The following G3BP1 variants were observed in gnomAD, a reference collection of about 807,000 sequenced individuals.
G3BP1 encodes the protein ras GTPase-activating protein-binding protein 1.
G3BP1 carries 35 observed loss-of-function variants against 58.6 expected under a neutral mutation model. The observed-to-expected ratio is 0.60, with a 90% CI of 0.46 to 0.79. The LOEUF is 0.79. Ranked by LOEUF, G3BP1 falls within the 30% of genes least tolerant of loss-of-function variation. The probability of loss-of-function intolerance (pLI) is 0.00; values close to 1 mark genes in which losing one functional copy is unlikely to be tolerated. For synonymous variants in G3BP1, 191 were observed against 195.4 expected, an observed-to-expected ratio of 0.98 and a Z score of 0.19; for missense variants, 523 against 580.8, an observed-to-expected ratio of 0.90 and a Z score of 1.02.
In G3BP1 at chr5:151,778,473, C is replaced by T. The variant is rs548563319; in HGVS notation, c.-50+6437C>T. 3.3e-5 allele frequency among the ~76,000 whole-genome samples: 5 copies of T among 152,194 alleles called. No individual in the cohort carries two copies. In the South Asian group the frequency reaches 1.0e-3, roughly 32 times the overall value. On this transcript the variant is annotated intron_variant, in intron 1 of 11. Coordinates refer to ENST00000356245, the MANE Select transcript of G3BP1 (RefSeq NM_005754.3). ...TTTTTTGTTTTGAGACAGTGTTTCGCTCTTGTTGCCCGGGCTGGAGTGCAG... is the reference window on the plus strand; with the variant it reads ...TTTTTTGTTTTGAGACAGTGTTTCGTTCTTGTTGCCCGGGCTGGAGTGCAG...
In G3BP1 at chr5:151,805,081, T is replaced by A. The variant is rs1385503912; in HGVS notation, c.*990T>A. The A allele has an allele frequency of 6.6e-6, 1 of 152,660 alleles. No homozygotes were observed. Among genetic ancestry groups the A allele is most frequent in the African/African-American group, 2.4e-5 (1 of 41,468 alleles). The allele number at this position is 152,660 out of a possible 1,614,324, so 9.5% of individuals were successfully genotyped here. ...AAACTGGAATGCCTTTGAAGACAGA[T>A]GCTTCTATAGAGGTTCTTTGACCTA... On this transcript the variant is annotated 3_prime_UTR_variant, in exon 12 of 12. Coordinates refer to ENST00000356245, the MANE Select transcript of G3BP1 (RefSeq NM_005754.3).
chr5:151,802,417 G>C (rs1762870320), intron 11 of G3BP1, among the ~76,000 whole-genome samples: 2 of 152,176 alleles, frequency 1.3e-5, no homozygotes, highest in Non-Finnish European at 2.9e-5. Flanking sequence ...AGCAGAAATA[G>C]CTTATGTAAG....
intron 4 of G3BP1, among the ~76,000 whole-genome samples, chr5:151,793,831 CAAAAAAAAA>C (rs751382380): frequency 4.1e-5 from 4 of 97,834 alleles, no homozygotes; most frequent in South Asian, 3.1e-4. Context: ...CGTCTCTACT[CAAAAAAAAA>C]AAAAAAAAAA....
chr5:151,797,442 CTT>C lies in G3BP1; in HGVS notation c.741+15_741+16del, dbSNP rs1561536521. ...GAAGACTTGAGGGTATGAAACGTGTCTTCATTTTTATTCTATTCCTAGTTATT... is the reference window on the plus strand; with the variant it reads ...GAAGACTTGAGGGTATGAAACGTGTCCATTTTTATTCTATTCCTAGTTATT... On this transcript the variant is annotated intron_variant, in intron 7 of 11. Coordinates refer to ENST00000356245, the MANE Select transcript of G3BP1 (RefSeq NM_005754.3). The C allele has an allele frequency of 2.5e-6, 4 of 1,590,800 alleles. No homozygotes were observed. Among genetic ancestry groups the C allele is most frequent in the Non-Finnish European group, 2.6e-6 (3 of 1,166,590 alleles).
At chr5:151,774,957 T>A (rs1050840485) in intron 1 of G3BP1, among the ~76,000 whole-genome samples, 1 of 152,172 alleles carries the variant, frequency 6.6e-6, no homozygotes, top group Non-Finnish European at 1.5e-5. Context: ...TTCTTGGACA[T>A]CCTGTCTGTC....
intron 2 of G3BP1, chr5:151,787,925 G>GTC: frequency 5.7e-6 from 1 of 175,332 alleles, no homozygotes; most frequent in Non-Finnish European, 1.2e-5. Flanking sequence ...ATGTGTGTGT[G>GTC]TGTGTGAGAG....
intron 6 of G3BP1, among the ~76,000 whole-genome samples, chr5:151,795,857 G>A (rs1762740004): frequency 6.6e-6 from 1 of 152,120 alleles, no homozygotes; most frequent in Non-Finnish European, 1.5e-5. Context: ...CTTGCATATT[G>A]TTTATCAAGA....
At position 151,795,464 on chromosome 5, in the gene G3BP1, C is replaced by A. The variant is rs1581580427; in HGVS notation, c.443-15C>A. ...AGTAAGTACAAATTACTTTAAATAT[C>A]TTTTTCTCACTTAGAGTCTGAAGAA... On this transcript the variant is annotated splice_polypyrimidine_tract_variant and intron_variant, in intron 5 of 11. Coordinates refer to ENST00000356245, the MANE Select transcript of G3BP1 (RefSeq NM_005754.3). The A allele has an allele frequency of 4.4e-6, 6 of 1,357,002 alleles. No homozygotes were observed. The East Asian group carries it at 9.2e-5, about 21-fold the overall frequency. 84.1% of individuals were successfully genotyped at this position (1,357,002 alleles called of 1,614,324 possible). A position where few individuals can be genotyped will look rare whatever the true frequency, so the allele number is the denominator to read the frequency against.
intron 2 of G3BP1, 99 bp downstream of exon 2, chr5:151,786,814 G>A (rs933834451): frequency 1.9e-5 from 15 of 774,472 alleles, no homozygotes; most frequent in Admixed American, 1.5e-4. Context: ...TTGTAGGGTT[G>A]TTGCATAATA....
At position 151,811,890 on chromosome 5, in the gene G3BP1, C is replaced by T. The variant is rs1220194720; in HGVS notation, c.*7799C>T. 6.6e-6 allele frequency: 1 copy of T among 152,160 alleles called. No individual in the cohort carries two copies. The highest frequency in any genetic ancestry group is 1.5e-5 in the Non-Finnish European group (1 of 68,022). The allele number at this position is 152,160 out of a possible 1,614,324, so 9.4% of individuals were successfully genotyped here. A position where few individuals can be genotyped will look rare whatever the true frequency, so the allele number is the denominator to read the frequency against. The stretch of plus-strand genomic sequence containing the variant: ...TTTCCATATAAAAGACATACTATCA[C>T]ATTTTCTTCTTCATAAGGATGAGGA... On this transcript the variant is annotated 3_prime_UTR_variant, in exon 12 of 12. Coordinates refer to ENST00000356245, the MANE Select transcript of G3BP1 (RefSeq NM_005754.3).
intron 1 of G3BP1, among the ~76,000 whole-genome samples, chr5:151,776,903 T>G (rs1490231489): frequency 6.6e-6 from 1 of 151,588 alleles, no homozygotes; most frequent in Non-Finnish European, 1.5e-5. Context: ...CCAGCTTTTT[T>G]TTTTTTTTTT....
Position 151,805,756 on chromosome 5 carries a change from G to A in G3BP1, c.*1665G>A, listed in dbSNP as rs2113257443. The A allele has an allele frequency of 6.6e-6, 1 of 152,174 alleles. No homozygotes were observed. Among genetic ancestry groups the A allele is most frequent in the East Asian group, 1.9e-4 (1 of 5,188 alleles). The allele number at this position is 152,174 out of a possible 1,614,324, so 9.4% of individuals were successfully genotyped here. ...AAAGTAACTTTGGTAACCACTTTTGGCCCAGATCACTGATAATAGGAAGAA... is the reference window on the plus strand; with the variant it reads ...AAAGTAACTTTGGTAACCACTTTTGACCCAGATCACTGATAATAGGAAGAA... On this transcript the variant is annotated 3_prime_UTR_variant, in exon 12 of 12. Coordinates refer to ENST00000356245, the MANE Select transcript of G3BP1 (RefSeq NM_005754.3).
chr5:151,790,476 C>A, intron 3 of G3BP1, 72 bp downstream of exon 3: 1 of 740,306 alleles, frequency 1.4e-6, no homozygotes, highest in Non-Finnish European at 2.2e-6. Flanking sequence ...GTGGATCATA[C>A]TTAATAGATT....
At chr5:151,803,575 C>T (rs1005401138) in intron 11 of G3BP1, among the ~76,000 whole-genome samples, 4 of 152,190 alleles carry the variant, frequency 2.6e-5, no homozygotes, top group Non-Finnish European at 4.4e-5. Flanking sequence ...TCACTGCAAC[C>T]TCCGCCTCCT....
At chr5:151,781,498 T>C (rs990445621) in intron 1 of G3BP1, among the ~76,000 whole-genome samples, 1 of 152,216 alleles carries the variant, frequency 6.6e-6, no homozygotes, top group African/African-American at 2.4e-5. Flanking sequence ...TGAGTAGTTT[T>C]CATCATGTTT....
At position 151,810,493 on chromosome 5, in the gene G3BP1, C is replaced by G. The variant is rs1304020214; in HGVS notation, c.*6402C>G. ...CACATTTTCCCTCTTGTTTGAGGTC[C>G]TGTTCCAACCTTCATTTCTGAAACT... On this transcript the variant is annotated 3_prime_UTR_variant, in exon 12 of 12. Coordinates refer to ENST00000356245, the MANE Select transcript of G3BP1 (RefSeq NM_005754.3). The G allele has an allele frequency of 1.3e-5, 2 of 152,324 alleles. No individual in the cohort carries two copies. Among genetic ancestry groups the G allele is most frequent in the East Asian group, 3.9e-4 (2 of 5,178 alleles). The allele number at this position is 152,324 out of a possible 1,614,324, so 9.4% of individuals were successfully genotyped here. A position where few individuals can be genotyped will look rare whatever the true frequency, so the allele number is the denominator to read the frequency against.
rs1581585968 is a variant in G3BP1 at position 151,805,372 on chromosome 5, A to G, written c.*1281A>G. 1 of 152,634 alleles carries G rather than the reference A, an allele frequency of 6.6e-6. No homozygotes were observed. Among genetic ancestry groups the G allele is most frequent in the Non-Finnish European group, 1.5e-5 (1 of 68,040 alleles). 9.5% of individuals were successfully genotyped at this position (152,634 alleles called of 1,614,324 possible). On this transcript the variant is annotated 3_prime_UTR_variant, in exon 12 of 12. Transcript: ENST00000356245. Reference sequence around the variant, plus strand: ...AAATTTAATCTGGCAATATAGACTAATACTCGTTTCACATATGTGTTATTT... The same window carrying G: ...AAATTTAATCTGGCAATATAGACTAGTACTCGTTTCACATATGTGTTATTT...
At chr5:151,781,475 G>C (rs1303836804) in intron 1 of G3BP1, among the ~76,000 whole-genome samples, 2 of 152,132 alleles carry the variant, frequency 1.3e-5, no homozygotes, top group African/African-American at 4.8e-5. Context: ...AGTAAAAAGT[G>C]ATTTCTCTTC....
intron 5 of G3BP1, 81 bp from the exon 6 acceptor site, chr5:151,795,398 T>A (rs755564218): frequency 5.5e-6 from 4 of 729,368 alleles, no homozygotes; most frequent in Non-Finnish European, 7.1e-6. Context: ...TCTTCACTGT[T>A]GTTTTGTGAA....
Sources: gnomAD v4.1 joint callset for allele counts (sites outside exome capture counted in the v4.1 genomes callset) on GRCh38, gnomAD v4.1.1 for gene constraint, MANE v1.5 for transcripts, NCBI Gene and HGNC (gene_info 2026-07-23, HGNC 2026-07-21) for gene names.